GALNT13: variants seen among roughly 807,000 people sequenced by gnomAD.
The protein encoded by GALNT13 is polypeptide N-acetylgalactosaminyltransferase 13, also known as UDP-GalNAc:polypeptide N-acetylgalactosaminyltransferase 13.
GALNT13 carries 28 observed loss-of-function variants against 64.2 expected under a neutral mutation model. The ratio of observed to expected loss-of-function variants is 0.44; its 90% CI spans 0.32 to 0.60. The LOEUF is 0.60. Among genes scored for constraint, GALNT13 ranks in the 20% least tolerant of loss-of-function variants. The pLI is 0.05. For missense variants in GALNT13, 577 were observed against 669.8 expected, an observed-to-expected ratio of 0.86 and a Z score of 1.53; for synonymous variants, 214 against 224.6, an observed-to-expected ratio of 0.95 and a Z score of 0.42.
chr2:153,750,848 T>C, the GALNT13 span, among the ~76,000 whole-genome samples: 9 of 151,834 alleles, frequency 5.9e-5, no homozygotes, highest in Admixed American at 4.6e-4. Flanking sequence ...TATTTTCTTC[T>C]AATTTTGGGT....
chr2:153,713,542 G>A, the GALNT13 span, among the ~76,000 whole-genome samples: 2 of 152,146 alleles, frequency 1.3e-5, no homozygotes, highest in Admixed American at 1.3e-4. Context: ...TGGTGCAGTG[G>A]CATAATCTTG....
the GALNT13 span, among the ~76,000 whole-genome samples, chr2:153,767,719 TTA>T: frequency 6.6e-6 from 1 of 152,172 alleles, no homozygotes; most frequent in African/African-American, 2.4e-5. Flanking sequence ...GAGCATATTT[TTA>T]TATGTTTGTT....
chr2:153,994,084 G>A (rs1003926465), intron 3 of GALNT13, among the ~76,000 whole-genome samples: 1 of 151,914 alleles, frequency 6.6e-6, no homozygotes, highest in Non-Finnish European at 1.5e-5. Context: ...CCCCATGACA[G>A]GCCCCAGTGT....
intron 4 of GALNT13, among the ~76,000 whole-genome samples, chr2:154,151,508 C>T (rs947024657): frequency 3.3e-5 from 5 of 152,098 alleles, no homozygotes; most frequent in Non-Finnish European, 7.4e-5. Context: ...TCTCGTTGAT[C>T]TGTCTAATGT....
the GALNT13 span, among the ~76,000 whole-genome samples, chr2:153,287,111 A>G: frequency 6.6e-6 from 1 of 152,244 alleles, no homozygotes; most frequent in South Asian, 2.1e-4. Flanking sequence ...AATATTTTCA[A>G]CTTCACAAAT....
intron 3 of GALNT13, among the ~76,000 whole-genome samples, chr2:154,015,927 G>T (rs890432314): frequency 1.3e-5 from 2 of 152,052 alleles, no homozygotes; most frequent in African/African-American, 2.4e-5. Context: ...GTGAAAATAC[G>T]AATGTTTTAG....
At chr2:154,152,425 T>C (rs931502994) in intron 4 of GALNT13, among the ~76,000 whole-genome samples, 1 of 152,134 alleles carries the variant, frequency 6.6e-6, no homozygotes, top group African/African-American at 2.4e-5. Flanking sequence ...TAGCTCTTCT[T>C]GAGGAGTATC....
At chr2:154,166,059 C>CT (rs1685002601) in intron 4 of GALNT13, among the ~76,000 whole-genome samples, 1 of 152,112 alleles carries the variant, frequency 6.6e-6, no homozygotes, top group African/African-American at 2.4e-5. Flanking sequence ...AACAAAATAA[C>CT]TTTTTATTTG....
the GALNT13 span, among the ~76,000 whole-genome samples, chr2:153,622,097 T>C: frequency 6.6e-6 from 1 of 152,160 alleles, no homozygotes; most frequent in Non-Finnish European, 1.5e-5. Flanking sequence ...GTAACATCAT[T>C]GGAATGCACT....
the GALNT13 span, among the ~76,000 whole-genome samples, chr2:153,149,382 G>T: frequency 6.6e-6 from 1 of 151,748 alleles, no homozygotes; most frequent in Non-Finnish European, 1.5e-5. Context: ...CTGAGCATCA[G>T]GAAGACTGCA....
the GALNT13 span, among the ~76,000 whole-genome samples, chr2:153,194,108 A>T: frequency 3.0e-4 from 46 of 152,250 alleles, no homozygotes; most frequent in African/African-American, 1.1e-3. Flanking sequence ...AGGATCTCTG[A>T]GTTTCCTTTA....
At chr2:153,486,628 G>A in the GALNT13 span, among the ~76,000 whole-genome samples, 3 of 152,032 alleles carry the variant, frequency 2.0e-5, no homozygotes, top group Admixed American at 6.6e-5. Context: ...CTTTAATGTC[G>A]TTGAAATAAA....
chr2:154,056,422 A>G (rs1047841818), intron 3 of GALNT13, among the ~76,000 whole-genome samples: 3 of 152,192 alleles, frequency 2.0e-5, no homozygotes, highest in Non-Finnish European at 4.4e-5. Context: ...CCTAGGATGT[A>G]GTTAATACAT....
In GALNT13 at chr2:154,196,042, T is replaced by G. The variant is rs1185459314; in HGVS notation, c.312-45988T>G. ...GGGCCTGTGAGTCAGTTCAAACCAA[T>G]GAGACATTGCAAATATTTGCTGGTG... is the stretch of plus-strand genomic sequence containing the variant. On this transcript the variant is annotated intron_variant, in intron 4 of 12. Coordinates refer to ENST00000392825, the MANE Select transcript of GALNT13 (RefSeq NM_052917.4). Among the ~76,000 whole-genome samples the G allele has an allele frequency of 5.3e-5, 8 of 152,350 alleles. No individual in the cohort carries two copies. In the East Asian group the frequency reaches 1.5e-3, roughly 29 times the overall value.
chr2:153,697,319 A>T, the GALNT13 span, among the ~76,000 whole-genome samples: 1 of 152,260 alleles, frequency 6.6e-6, no homozygotes, highest in South Asian at 2.1e-4. Flanking sequence ...GAATTCTGCA[A>T]TCTTGTCACT....
At chr2:153,576,986 T>G in the GALNT13 span, among the ~76,000 whole-genome samples, 1 of 152,200 alleles carries the variant, frequency 6.6e-6, no homozygotes, top group Non-Finnish European at 1.5e-5. Flanking sequence ...TTTCATTGTT[T>G]TACTTTTCAC....
the GALNT13 span, among the ~76,000 whole-genome samples, chr2:153,497,301 C>A: frequency 6.6e-6 from 1 of 151,992 alleles, no homozygotes; most frequent in East Asian, 1.9e-4. Context: ...TAAGTTTTTT[C>A]AAATGAAGAT....
chr2:154,432,029 G>C (rs1036230715), intron 11 of GALNT13, among the ~76,000 whole-genome samples: 3 of 152,132 alleles, frequency 2.0e-5, no homozygotes, highest in African/African-American at 7.2e-5. Context: ...GAAAAATACA[G>C]AGATTAAAAG....
chr2:154,031,196 A>C (rs963569713), intron 3 of GALNT13, among the ~76,000 whole-genome samples: 5 of 152,130 alleles, frequency 3.3e-5, no homozygotes, highest in African/African-American at 1.2e-4. Flanking sequence ...ATTAAACAAT[A>C]TAACATTTGG....
Sources: gnomAD v4.1 joint callset for allele counts (sites outside exome capture counted in the v4.1 genomes callset) on GRCh38, gnomAD v4.1.1 for gene constraint, MANE v1.5 for transcripts, NCBI Gene and HGNC (gene_info 2026-07-23, HGNC 2026-07-21) for gene names.